FILIP1L: variants seen among roughly 807,000 people sequenced by gnomAD.
FILIP1L encodes the protein filamin A-interacting protein 1-like.
A neutral mutation model predicts 96.6 loss-of-function variants in FILIP1L; 55 were observed. That is an observed-to-expected ratio of 0.57 (90% confidence interval 0.46 to 0.71). The LOEUF is 0.71. Ranked by LOEUF, FILIP1L falls within the 30% of genes least tolerant of loss-of-function variation. The probability of loss-of-function intolerance (pLI) is 0.00; values close to 1 mark genes in which losing one functional copy is unlikely to be tolerated. For missense variants in FILIP1L, 1,304 were observed against 1,321.2 expected (o/e 0.99, Z 0.20); for synonymous variants, 467 against 473.9 (o/e 0.99, Z 0.19).
At chr3:99,845,434 A>G (rs1159930924) in intron 5 of FILIP1L, among the ~76,000 whole-genome samples, 1 of 152,190 alleles carries the variant, frequency 6.6e-6, no homozygotes, top group African/African-American at 2.4e-5. Flanking sequence ...AGAGACGAAA[A>G]AACAGTCTAT....
intron 4 of FILIP1L, among the ~76,000 whole-genome samples, chr3:99,863,712 T>C (rs543221727): frequency 4.6e-5 from 7 of 152,310 alleles, no homozygotes; most frequent in African/African-American, 1.4e-4. Context: ...TATTTCAAAA[T>C]GTGTGTATTA....
chr3:99,944,654 G>C (rs1707954629), intron 1 of FILIP1L, among the ~76,000 whole-genome samples: 1 of 152,240 alleles, frequency 6.6e-6, no homozygotes, highest in South Asian at 2.1e-4. Flanking sequence ...GCAAGTGGCA[G>C]AACAGGAATT....
intron 4 of FILIP1L, among the ~76,000 whole-genome samples, chr3:99,892,368 G>C (rs1244269579): frequency 6.6e-6 from 1 of 152,170 alleles, no homozygotes; most frequent in Non-Finnish European, 1.5e-5. Flanking sequence ...AAGTGGTCTA[G>C]AATGTGAGTA....
chr3:100,080,458 T>C (rs1478392490), intron 1 of FILIP1L, among the ~76,000 whole-genome samples: 2 of 152,208 alleles, frequency 1.3e-5, no homozygotes, highest in Non-Finnish European at 2.9e-5. Flanking sequence ...GGGAGTACCC[T>C]AGACAATTTC....
chr3:99,961,701 TA>T (rs138755159), intron 1 of FILIP1L, among the ~76,000 whole-genome samples: 1 of 152,086 alleles, frequency 6.6e-6, no homozygotes, highest in Non-Finnish European at 1.5e-5. Flanking sequence ...TGATTTAGTC[TA>T]AAAAAAATTT....
chr3:99,914,539 A>T (rs552642494), intron 4 of FILIP1L, among the ~76,000 whole-genome samples: 8 of 152,314 alleles, frequency 5.3e-5, no homozygotes, highest in Non-Finnish European at 1.0e-4. Context: ...ACATCATATC[A>T]TGTTTAAATT....
chr3:99,903,249 CAT>C (rs1317389282), intron 4 of FILIP1L, among the ~76,000 whole-genome samples: 1 of 147,800 alleles, frequency 6.8e-6, no homozygotes, highest in Non-Finnish European at 1.5e-5. Flanking sequence ...TATGTATACA[CAT>C]ATGCATGTTT....
chr3:100,075,469 A>G (rs989043051), intron 1 of FILIP1L: 2 of 151,966 alleles, frequency 1.3e-5, no homozygotes, highest in South Asian at 4.1e-4. Flanking sequence ...CATCTCTTGC[A>G]TTTTTATAAG....
At chr3:99,977,391 C>T (rs1197619900) in intron 1 of FILIP1L, among the ~76,000 whole-genome samples, 1 of 152,008 alleles carries the variant, frequency 6.6e-6, no homozygotes, top group Non-Finnish European at 1.5e-5. Flanking sequence ...AGCAGGGAAA[C>T]AAAGTAAGAG....
In FILIP1L at chr3:99,843,653, A is replaced by G. The variant is rs147206806; in HGVS notation, c.3381+4642T>C. On this transcript the variant is annotated intron_variant, in intron 5 of 5. Coordinates refer to ENST00000477258, the MANE Select transcript of FILIP1L (RefSeq NM_001387850.1). ...CATGGCTTTGCCTAGCCCACCTTAA[A>G]CATGCTCAGAGAACACTTACATAAA... Among the ~76,000 whole-genome samples the G allele has an allele frequency of 4.5e-3, 682 of 152,312 alleles. 6 individuals carry two copies. The highest frequency in any genetic ancestry group is 0.016 in the African/African-American group (668 of 41,562).
intron 1 of FILIP1L, among the ~76,000 whole-genome samples, chr3:100,080,180 C>T (rs2065909345): frequency 6.6e-6 from 1 of 152,094 alleles, no homozygotes; most frequent in Admixed American, 6.5e-5. Context: ...ACGGGGATCT[C>T]GCCATATTGC....
intron 1 of FILIP1L, among the ~76,000 whole-genome samples, chr3:100,042,535 A>C (rs2065222077): frequency 6.6e-6 from 1 of 152,186 alleles, no homozygotes. Context: ...TTTATTACCA[A>C]GTGTATTTTA....
intron 5 of FILIP1L, among the ~76,000 whole-genome samples, chr3:99,836,737 C>G (rs1367215747): frequency 6.6e-6 from 1 of 152,176 alleles, no homozygotes; most frequent in Non-Finnish European, 1.5e-5. Context: ...ATTACTTGAA[C>G]AGTACATAGT....
At chr3:100,052,094 G>T (rs1340592128) in intron 1 of FILIP1L, among the ~76,000 whole-genome samples, 6 of 151,868 alleles carry the variant, frequency 4.0e-5, no homozygotes, top group African/African-American at 1.2e-4. Context: ...TGTTATTTAG[G>T]CTACTAATGG....
At chr3:100,067,010 A>ACCCAC (rs2065677396) in intron 1 of FILIP1L, among the ~76,000 whole-genome samples, 1 of 152,212 alleles carries the variant, frequency 6.6e-6, no homozygotes, top group Non-Finnish European at 1.5e-5. Context: ...ATTGAGTGAG[A>ACCCAC]TTCCTCAGTC....
intron 1 of FILIP1L, among the ~76,000 whole-genome samples, chr3:100,038,288 C>G (rs1332226322): frequency 1.3e-5 from 2 of 152,056 alleles, no homozygotes; most frequent in Non-Finnish European, 2.9e-5. Context: ...ATAACTCTTA[C>G]AGAAATAATA....
Position 99,890,147 on chromosome 3 carries a change from G to A in FILIP1L, c.605+34083C>T, listed in dbSNP as rs1706038087. On this transcript the variant is annotated intron_variant, in intron 4 of 5. Coordinates refer to ENST00000477258, the MANE Select transcript of FILIP1L (RefSeq NM_001387850.1). Reference sequence around the variant, plus strand: ...TTCTTGAGGATTTTTACTGGGTATAGAATGCTTGGTTGAGACTTGTTTTCT... The same window carrying A: ...TTCTTGAGGATTTTTACTGGGTATAAAATGCTTGGTTGAGACTTGTTTTCT... Among the ~76,000 whole-genome samples the A allele has an allele frequency of 2.6e-5, 4 of 152,010 alleles. No homozygotes were observed. The South Asian group carries it at 8.3e-4, about 31-fold the overall frequency.
chr3:99,875,252 A>T (rs899401970), intron 4 of FILIP1L, among the ~76,000 whole-genome samples: 11 of 152,212 alleles, frequency 7.2e-5, no homozygotes, highest in African/African-American at 2.7e-4. Flanking sequence ...ATACTGTAAG[A>T]GTTCATTGGT....
chr3:99,956,920 G>A (rs1464343980), intron 1 of FILIP1L, among the ~76,000 whole-genome samples: 1 of 151,986 alleles, frequency 6.6e-6, no homozygotes, highest in Non-Finnish European at 1.5e-5. Context: ...CCTCACCAAT[G>A]GCTTCCTAAT....
Sources: gnomAD v4.1 joint callset for allele counts (sites outside exome capture counted in the v4.1 genomes callset) on GRCh38, gnomAD v4.1.1 for gene constraint, MANE v1.5 for transcripts, NCBI Gene and HGNC (gene_info 2026-07-23, HGNC 2026-07-21) for gene names.